Variants in MYH7 observed in about 807,000 individuals in gnomAD.
MYH7 encodes myosin heavy chain 7, also known as myosin-7.
Under a neutral mutation model 225.4 loss-of-function variants are expected in MYH7, and 129 were observed. The ratio of observed to expected loss-of-function variants is 0.57; its 90% CI spans 0.50 to 0.66. The LOEUF is 0.66. Among genes scored for constraint, MYH7 ranks in the 30% least tolerant of loss-of-function variants. The pLI is 0.00. For synonymous variants in MYH7, 971 were observed against 1,007.6 expected (o/e 0.96, Z 0.69); for missense variants, 1,649 against 2,517.0 (o/e 0.66, Z 7.38).
intron 32 of MYH7, 41 bp from the exon 33 acceptor site, chr14:23,417,033 G>A: frequency 1.9e-6 from 3 of 1,614,166 alleles, no homozygotes; most frequent in Non-Finnish European, 2.5e-6. Flanking sequence ...GGCTGCTGAG[G>A]TCCAGTGGAG....
chr14:23,433,301 T>G lies in MYH7; in HGVS notation c.202-74A>C. 1 of 1,605,940 alleles carries G rather than the reference T, an allele frequency of 6.2e-7. No homozygotes were observed. The highest frequency in any genetic ancestry group is 8.5e-7 in the Non-Finnish European group (1 of 1,174,520). On this transcript the variant is annotated intron_variant, in intron 3 of 39. Coordinates refer to ENST00000355349, the MANE Select transcript of MYH7 (RefSeq NM_000257.4). The surrounding 1 kb of genome is among the most constrained non-coding windows in gnomAD (Gnocchi z 4.1). ...CTTCCTCAAGAGGGTTAGGAGTTGG[T>G]GAGTGACAGGGCAATAGTGCTCAAG... is the stretch of plus-strand genomic sequence containing the variant.
chr14:23,425,457 GT>G lies in MYH7; in HGVS notation c.2287-40del. Reference sequence around the variant, plus strand: ...GTGTGTTGGCCATGACTAGGGAGGGGTACGAGGGAAAGAGATGGTGGGGATT... The same window carrying G: ...GTGTGTTGGCCATGACTAGGGAGGGGACGAGGGAAAGAGATGGTGGGGATT... On this transcript the variant is annotated intron_variant, in intron 20 of 39. Coordinates refer to ENST00000355349, the MANE Select transcript of MYH7 (RefSeq NM_000257.4). The surrounding 1 kb of genome is among the most constrained non-coding windows in gnomAD (Gnocchi z 4.6). 1 of 1,613,904 alleles carries G rather than the reference GT, an allele frequency of 6.2e-7. No homozygotes were observed. Among genetic ancestry groups the G allele is most frequent in the Non-Finnish European group, 8.5e-7 (1 of 1,180,018 alleles).
At chr14:23,430,759 G>A in intron 10 of MYH7, 96 bp from the exon 11 acceptor site, 1 of 1,328,680 alleles carries the variant, frequency 7.5e-7, no homozygotes, top group African/African-American at 1.4e-5. Context: ...GCACAGGACA[G>A]GGCTTGGCTT....
At chr14:23,434,050 C>A (rs1893058167) in intron 2 of MYH7, 144 bp downstream of exon 2, 2 of 522,050 alleles carry the variant, frequency 3.8e-6, no homozygotes, top group Non-Finnish European at 6.2e-6. Context: ...TATCCCTGGA[C>A]CCCCTGGTCA....
At chr14:23,432,895 G>T in intron 4 of MYH7, 100 bp from the exon 5 acceptor site, 1 of 1,548,570 alleles carries the variant, frequency 6.5e-7, no homozygotes, top group Admixed American at 1.8e-5. Flanking sequence ...GAAGAGAAAG[G>T]AAAACCTCTG....
rs193922390 is a variant in MYH7, at chr14:23,415,651, C to G, written c.5135G>C (p.Arg1712Pro). 1 of 1,613,914 alleles carries G rather than the reference C, an allele frequency of 6.2e-7. No homozygotes were observed. Among genetic ancestry groups the G allele is most frequent in the Non-Finnish European group, 8.5e-7 (1 of 1,180,042 alleles). ...CACCTGGGAATGCAGCAGCTGCACC[C>G]GCTCACTAGTCTCAATCAGCTCCTG... ...AEQELIETSE[R>P]VQLLHSQNTS... Residue 1712 changes from arginine to proline, a missense_variant, in exon 35 of 40, where the codon CGG (arginine) becomes CCG (proline). Transcript: ENST00000355349. This position sits in a 1 kb window ranked among gnomAD's most constrained non-coding sequence, Gnocchi z 6.3.
intron 6 of MYH7, 70 bp downstream of exon 6, chr14:23,432,409 G>T: frequency 6.3e-7 from 1 of 1,595,388 alleles, no homozygotes; most frequent in South Asian, 1.1e-5. Flanking sequence ...CGGGGCCTGG[G>T]ACACCTGATG....
rs1566535010 is a variant in MYH7 at position 23,428,963 on chromosome 14, T to C, written c.1399A>G (p.Ile467Val). The C allele has an allele frequency of 6.2e-7, 1 of 1,614,162 alleles. No individual in the cohort carries two copies. Among genetic ancestry groups the C allele is most frequent in the South Asian group, 1.1e-5 (1 of 91,082 alleles). The change falls in exon 14 of 40, where the codon ATC becomes GTC. Residue 467 changes from isoleucine (I) to valine (V), a missense_variant. Around this residue, in one of 12 missense-constraint regions of MYH7, gnomAD observed 76 missense variants for 233.8 expected, o/e 0.33. Coordinates refer to ENST00000355349, the MANE Select transcript of MYH7 (RefSeq NM_000257.4). Reference sequence around the variant, plus strand: ...CAGGGGTCCCAACTCACATCGAAGATCTCGAAGCCAGCGATGTCCAGGACT... The same window carrying C: ...CAGGGGTCCCAACTCACATCGAAGACCTCGAAGCCAGCGATGTCCAGGACT... Reference protein sequence around the residue: ...IGVLDIAGFEIFDFNSFEQLC... With the variant: ...IGVLDIAGFEVFDFNSFEQLC...
intron 15 of MYH7, 40 bp downstream of exon 15, chr14:23,428,460 G>T (rs759708763): frequency 6.2e-7 from 1 of 1,613,658 alleles, no homozygotes; most frequent in Non-Finnish European, 8.5e-7. Context: ...TTCTTGTTGG[G>T]TGTGCAGGGA....
In MYH7 at chr14:23,431,524, C is replaced by T. The variant is rs771234595; in HGVS notation, c.733-43G>A. On this transcript the variant is annotated intron_variant, in intron 8 of 39. Transcript: ENST00000355349. The stretch of plus-strand genomic sequence containing the variant: ...AGTGGTGATGAGTTGGGGGAAGGCT[C>T]ATATCTGAGACCATTCCTCCACCAG... 47 of 1,613,668 alleles carry T rather than the reference C, an allele frequency of 2.9e-5. No individual in the cohort carries two copies. In the Middle Eastern group the frequency reaches 6.6e-4, roughly 23 times the overall value.
chr14:23,414,812 C>T (rs1595071325), intron 37 of MYH7, among the ~76,000 whole-genome samples, 183 bp downstream of exon 37: 1 of 152,110 alleles, frequency 6.6e-6, no homozygotes, highest in Non-Finnish European at 1.5e-5. Context: ...GGCCAGGAGG[C>T]TCAGAGACTG....
intron 6 of MYH7, 81 bp downstream of exon 6, chr14:23,432,398 T>G (rs1325189345): frequency 2.5e-6 from 4 of 1,572,236 alleles, no homozygotes; most frequent in African/African-American, 1.4e-5. Flanking sequence ...AGTCTATGCC[T>G]CGGGGCCTGG....
intron 17 of MYH7, 79 bp downstream of exon 17, chr14:23,427,161 G>T: frequency 9.3e-7 from 1 of 1,072,322 alleles, no homozygotes; most frequent in South Asian, 1.2e-5. Flanking sequence ...AGTAGGGGAT[G>T]AACAAGGCAG....
rs532401716 is a variant in MYH7 at position 23,431,016 on chromosome 14, A to G, written c.797-17T>C. 4.5e-4 allele frequency: 711 copies of G among 1,566,184 alleles called. 10 individuals are homozygous for G. The South Asian group carries it at 6.8e-3, about 15-fold the overall frequency. On this transcript the variant is annotated splice_polypyrimidine_tract_variant and intron_variant, in intron 9 of 39. Coordinates refer to ENST00000355349, the MANE Select transcript of MYH7 (RefSeq NM_000257.4). ...CCAGAAGATCTGTGAACAGGTGGGG[A>G]GAAGAAGGAGAGAAAGAAAAGTTAG... is the stretch of plus-strand genomic sequence containing the variant.
At chr14:23,429,658 A>G in intron 12 of MYH7, 117 bp downstream of exon 12, 1 of 1,443,368 alleles carries the variant, frequency 6.9e-7, no homozygotes, top group South Asian at 1.2e-5. Flanking sequence ...CCTGGGCAAC[A>G]GAGCAAGACT....
In MYH7 at chr14:23,429,301, C is replaced by T. The variant is rs1892825725; in HGVS notation, c.1185G>A (p.Leu395=). 1 of 1,614,234 alleles carries T rather than the reference C, an allele frequency of 6.2e-7. No homozygotes were observed. Among genetic ancestry groups the T allele is most frequent in the Non-Finnish European group, 8.5e-7 (1 of 1,180,046 alleles). ...CCCGAGGGTGGCACAGCCCCTTGAG[C>T]AGGTCGGCTGAGTTCAGCCCCATGA... ...AYLMGLNSAD[L]LKGLCHPRVK... Residue 395 remains leucine (L), a synonymous_variant, in exon 13 of 40, where the codon CTG becomes CTA. Coordinates refer to ENST00000355349, the MANE Select transcript of MYH7 (RefSeq NM_000257.4).
rs538614117 is a variant in MYH7 at position 23,431,498 on chromosome 14, G to T, written c.733-17C>A. The T allele has an allele frequency of 6.2e-7, 1 of 1,614,076 alleles. No individual in the cohort carries two copies. Among genetic ancestry groups the T allele is most frequent in the African/African-American group, 1.3e-5 (1 of 75,060 alleles). On this transcript the variant is annotated splice_polypyrimidine_tract_variant and intron_variant, in intron 8 of 39. Transcript: ENST00000355349. ...GAATTTCCCCTGGAGAGATGGAAGA[G>T]AGTGGTGATGAGTTGGGGGAAGGCT... is the stretch of plus-strand genomic sequence containing the variant.
At chr14:23,435,005 C>T (rs564470380) in intron 1 of MYH7, among the ~76,000 whole-genome samples, 9 of 152,192 alleles carry the variant, frequency 5.9e-5, no homozygotes, top group East Asian at 1.9e-4. Flanking sequence ...ATGTGTGCCA[C>T]GTAAGTAGAT....
At chr14:23,430,752 C>T in intron 10 of MYH7, 89 bp from the exon 11 acceptor site, 1 of 1,334,038 alleles carries the variant, frequency 7.5e-7, no homozygotes, top group Non-Finnish European at 1.1e-6. Flanking sequence ...AGGAAGAGCA[C>T]AGGACAGGGC....
Sources: gnomAD v4.1 joint callset for allele counts (sites outside exome capture counted in the v4.1 genomes callset) on GRCh38, gnomAD v4.1.1 for gene constraint, gnomAD v4.1.1 regional missense constraint, Gnocchi (gnomAD v3.1) non-coding constraint, MANE v1.5 for transcripts, NCBI Gene and HGNC (gene_info 2026-07-23, HGNC 2026-07-21) for gene names.